The following NKAIN3 variants were observed in gnomAD, a reference collection of about 807,000 sequenced individuals.
NKAIN3 encodes the protein sodium/potassium-transporting ATPase subunit beta-1-interacting protein 3.
NKAIN3 carries 25 observed loss-of-function variants against 30.2 expected under a neutral mutation model. That is an observed-to-expected ratio of 0.83 (90% confidence interval 0.60 to 1.16). The LOEUF (loss-of-function observed/expected upper bound fraction) is 1.16. Ranked by LOEUF, NKAIN3 falls within the 50% of genes most tolerant of loss-of-function variation. The pLI is 0.00. For missense variants in NKAIN3, 225 were observed against 254.1 expected (o/e 0.89, Z 0.78); for synonymous variants, 91 against 89.6 (o/e 1.02, Z -0.09).
intron 1 of NKAIN3, among the ~76,000 whole-genome samples, chr8:62,256,405 C>A (rs1812263934): frequency 6.6e-6 from 1 of 151,978 alleles, no homozygotes; most frequent in Non-Finnish European, 1.5e-5. Context: ...GGTGACAGAA[C>A]AAGAATCTGT....
intron 3 of NKAIN3, among the ~76,000 whole-genome samples, chr8:62,595,637 G>A (rs896550825): frequency 1.3e-5 from 2 of 152,114 alleles, no homozygotes; most frequent in Admixed American, 6.6e-5. Flanking sequence ...TAAGTTGCAA[G>A]CCCCGTTTTT....
chr8:62,335,889 T>G (rs1013920746), intron 1 of NKAIN3, among the ~76,000 whole-genome samples: 3 of 152,052 alleles, frequency 2.0e-5, no homozygotes, highest in Admixed American at 6.6e-5. Flanking sequence ...ACATAGTCCT[T>G]TTTTGCTGGA....
In NKAIN3 at chr8:62,968,994, G is replaced by T. The variant is rs1454184833; in HGVS notation, c.*3587G>T. On this transcript the variant is annotated 3_prime_UTR_variant, in exon 7 of 7. Coordinates refer to ENST00000623646, the MANE Select transcript of NKAIN3 (RefSeq NM_001304533.3). Reference sequence around the variant, plus strand: ...ACATCTCTTAGGAAAATCTCTAAATGTGTATATCCCCAAGTATCTTAGCCT... The same window carrying T: ...ACATCTCTTAGGAAAATCTCTAAATTTGTATATCCCCAAGTATCTTAGCCT... 6.6e-6 allele frequency among the ~76,000 whole-genome samples: 1 copy of T among 152,166 alleles called. No individual in the cohort carries two copies. The highest frequency in any genetic ancestry group is 2.4e-5 in the African/African-American group (1 of 41,452).
At position 62,979,977 on chromosome 8, in the gene NKAIN3, T is replaced by C. The variant is rs1366441576; in HGVS notation, c.*14570T>C. 1.3e-5 allele frequency: 2 copies of C among 152,284 alleles called. No homozygotes were observed. Among genetic ancestry groups the C allele is most frequent in the African/African-American group, 4.8e-5 (2 of 41,454 alleles). The allele number at this position is 152,284 out of a possible 1,614,324, so 9.4% of individuals were successfully genotyped here. On this transcript the variant is annotated 3_prime_UTR_variant, in exon 7 of 7. Transcript: ENST00000623646. ...GTGGGTCTTTGCCTAGCTTTTGTCT[T>C]GTCTTTGCTTTTTATTCATCTTTGC...
At position 62,667,363 on chromosome 8, in the gene NKAIN3, A is replaced by G. The variant is rs201493269; in HGVS notation, c.273+77569A>G. Among the ~76,000 whole-genome samples the G allele has an allele frequency of 3.9e-3, 210 of 53,404 alleles. 4 individuals carry two copies. The highest frequency in any genetic ancestry group is 0.022 in the African/African-American group (205 of 9,360). 35.0% of individuals were successfully genotyped at this position (53,404 alleles called of 152,430 possible). The stretch of plus-strand genomic sequence containing the variant: ...ATATATTCTTTATATATATATCTGT[A>G]TATATATATATAAATATATATATAT... On this transcript the variant is annotated intron_variant, in intron 3 of 6. Coordinates refer to ENST00000623646, the MANE Select transcript of NKAIN3 (RefSeq NM_001304533.3).
At chr8:62,378,831 G>A (rs939858315) in intron 1 of NKAIN3, among the ~76,000 whole-genome samples, 3 of 152,178 alleles carry the variant, frequency 2.0e-5, no homozygotes, top group Non-Finnish European at 2.9e-5. Context: ...GGAAATGTGA[G>A]TTCAGAGCCC....
intron 3 of NKAIN3, among the ~76,000 whole-genome samples, chr8:62,714,169 C>G (rs2130500904): frequency 6.6e-6 from 1 of 151,908 alleles, no homozygotes; most frequent in South Asian, 2.1e-4. Flanking sequence ...GTAATTGGTT[C>G]TGATTTATCT....
rs1242408049 is a variant in NKAIN3 at position 62,788,634 on chromosome 8, A to C, written c.471+41505A>C. ...CATGCCTATGTCCTGAATGGTATTG[A>C]CTAGGTTTTCTTCTAGGGTTTTTAT... is the stretch of plus-strand genomic sequence containing the variant. On this transcript the variant is annotated intron_variant, in intron 4 of 6. Coordinates refer to ENST00000623646, the MANE Select transcript of NKAIN3 (RefSeq NM_001304533.3). 1.5e-4 allele frequency among the ~76,000 whole-genome samples: 22 copies of C among 151,212 alleles called. No individual in the cohort carries two copies. The East Asian group carries it at 2.1e-3, about 15-fold the overall frequency.
chr8:62,874,050 G>A (rs541391673), intron 4 of NKAIN3, among the ~76,000 whole-genome samples: 2 of 151,888 alleles, frequency 1.3e-5, no homozygotes, highest in East Asian at 3.9e-4. Flanking sequence ...TCAGGAGCTG[G>A]TTTTTTGAAA....
intron 1 of NKAIN3, among the ~76,000 whole-genome samples, chr8:62,308,549 G>T (rs540884655): frequency 4.0e-5 from 6 of 150,558 alleles, no homozygotes; most frequent in Non-Finnish European, 7.4e-5. Flanking sequence ...AAATTTATGG[G>T]CATATTGCAT....
intron 1 of NKAIN3, among the ~76,000 whole-genome samples, chr8:62,498,660 T>A (rs1807318082): frequency 6.6e-6 from 1 of 151,944 alleles, no homozygotes. Context: ...ACTGAATACA[T>A]GCTGAATACA....
chr8:62,501,279 A>G (rs1807441765), intron 1 of NKAIN3, among the ~76,000 whole-genome samples: 1 of 152,072 alleles, frequency 6.6e-6, no homozygotes, highest in African/African-American at 2.4e-5. Flanking sequence ...GGGGCCCCAT[A>G]CTCACTGCCA....
chr8:62,865,772 C>T (rs1228655839), intron 4 of NKAIN3, among the ~76,000 whole-genome samples: 1 of 152,174 alleles, frequency 6.6e-6, no homozygotes, highest in Non-Finnish European at 1.5e-5. Flanking sequence ...GACATCATTC[C>T]TGTATTATAG....
chr8:62,818,687 G>GA (rs1818762588), intron 4 of NKAIN3, among the ~76,000 whole-genome samples: 1 of 151,934 alleles, frequency 6.6e-6, no homozygotes, highest in Non-Finnish European at 1.5e-5. Flanking sequence ...TATTGGAAAG[G>GA]AAAAAACATG....
chr8:62,393,886 T>C (rs1817648044), intron 1 of NKAIN3, among the ~76,000 whole-genome samples: 2 of 152,176 alleles, frequency 1.3e-5, no homozygotes, highest in Admixed American at 1.3e-4. Context: ...GATTTTATTG[T>C]CAGGTTGTTT....
intron 1 of NKAIN3, among the ~76,000 whole-genome samples, chr8:62,336,792 T>C (rs1815566134): frequency 6.6e-6 from 1 of 152,020 alleles, no homozygotes; most frequent in Non-Finnish European, 1.5e-5. Flanking sequence ...ATGCCACTTG[T>C]AGTCATTCAG....
intron 4 of NKAIN3, among the ~76,000 whole-genome samples, chr8:62,852,795 T>A (rs1819949513): frequency 6.6e-6 from 1 of 152,238 alleles, no homozygotes; most frequent in African/African-American, 2.4e-5. Context: ...GAGTTCTAGT[T>A]TGATTGCTCT....
intron 4 of NKAIN3, among the ~76,000 whole-genome samples, chr8:62,913,303 G>A (rs1187911787): frequency 6.6e-6 from 1 of 152,180 alleles, no homozygotes; most frequent in Non-Finnish European, 1.5e-5. Context: ...TGGCAGCACA[G>A]TAGGTTTGTT....
At chr8:62,686,671 G>A (rs966013760) in intron 3 of NKAIN3, among the ~76,000 whole-genome samples, 13 of 151,828 alleles carry the variant, frequency 8.6e-5, no homozygotes, top group African/African-American at 2.7e-4. Flanking sequence ...TTTTCATTTC[G>A]AGTCCATCTT....
Sources: gnomAD v4.1 joint callset for allele counts (sites outside exome capture counted in the v4.1 genomes callset) on GRCh38, gnomAD v4.1.1 for gene constraint, MANE v1.5 for transcripts, NCBI Gene and HGNC (gene_info 2026-07-23, HGNC 2026-07-21) for gene names.